Variants in CNTN4 observed in about 807,000 individuals in gnomAD.
The protein encoded by CNTN4 is contactin-4.
A neutral mutation model predicts 122.5 loss-of-function variants in CNTN4; 77 were observed. The observed-to-expected ratio is 0.63, with a 90% CI of 0.52 to 0.76. The LOEUF (loss-of-function observed/expected upper bound fraction) is 0.76, where lower values mean the gene tolerates loss of function less well. Among genes scored for constraint, CNTN4 ranks in the 30% least tolerant of loss-of-function variants. The pLI is 0.00. For missense variants in CNTN4, 1,256 were observed against 1,259.1 expected, an observed-to-expected ratio of 1.00 and a Z score of 0.04; for synonymous variants, 512 against 447.0, an observed-to-expected ratio of 1.15 and a Z score of -1.83.
At chr3:2,389,363 T>G (rs1472526744) in intron 3 of CNTN4, among the ~76,000 whole-genome samples, 1 of 144,544 alleles carries the variant, frequency 6.9e-6, no homozygotes, top group Non-Finnish European at 1.5e-5. Flanking sequence ...CGGAGAAACC[T>G]TCCCCGTGAT....
At chr3:2,160,919 A>G (rs1315529190) in intron 2 of CNTN4, among the ~76,000 whole-genome samples, 1 of 152,058 alleles carries the variant, frequency 6.6e-6, no homozygotes, top group African/African-American at 2.4e-5. Context: ...AGAAGGTATA[A>G]TCCCTCTTGC....
At chr3:2,281,140 AT>A (rs2041700022) in intron 2 of CNTN4, among the ~76,000 whole-genome samples, 1 of 152,146 alleles carries the variant, frequency 6.6e-6, no homozygotes, top group Non-Finnish European at 1.5e-5. Flanking sequence ...CTAAAAGCTA[AT>A]TATTACTAGC....
chr3:2,621,725 A>G (rs985958344), intron 4 of CNTN4, among the ~76,000 whole-genome samples: 2 of 152,150 alleles, frequency 1.3e-5, no homozygotes, highest in Non-Finnish European at 2.9e-5. Context: ...ACGAAATACA[A>G]TGTATATGCA....
At chr3:2,614,222 A>G (rs2081616176) in intron 4 of CNTN4, among the ~76,000 whole-genome samples, 2 of 152,168 alleles carry the variant, frequency 1.3e-5, no homozygotes, top group Non-Finnish European at 2.9e-5. Context: ...TATTCTAAGC[A>G]TTGGAAATAG....
intron 3 of CNTN4, chr3:2,362,305 C>A: frequency 4.7e-6 from 1 of 213,818 alleles, no homozygotes; most frequent in Non-Finnish European, 9.5e-6. Flanking sequence ...CTCTGCAGAG[C>A]CATGGCGGCC....
At chr3:2,164,638 T>C (rs1574975340) in intron 2 of CNTN4, among the ~76,000 whole-genome samples, 1 of 152,242 alleles carries the variant, frequency 6.6e-6, no homozygotes, top group Non-Finnish European at 1.5e-5. Flanking sequence ...AGAAAAACAA[T>C]TAGTTACCTT....
intron 18 of CNTN4, 108 bp from the exon 19 acceptor site, chr3:3,038,825 C>A: frequency 2.5e-6 from 2 of 802,956 alleles, no homozygotes; most frequent in Non-Finnish European, 2.2e-6. Flanking sequence ...GACAAAGGGG[C>A]GTGCCTCAGA....
rs190856665 is a variant in CNTN4, at chr3:2,763,135, C to T, written c.358+17438C>T. On this transcript the variant is annotated intron_variant, in intron 6 of 24. Coordinates refer to ENST00000418658, the MANE Select transcript of CNTN4 (RefSeq NM_175607.3). Reference sequence around the variant, plus strand: ...TTTGTTTTTGTATTTTTAGTAGAGACGGGGTTTCACCATGTTAGCCAGGAT... The same window carrying T: ...TTTGTTTTTGTATTTTTAGTAGAGATGGGGTTTCACCATGTTAGCCAGGAT... Among the ~76,000 whole-genome samples the T allele has an allele frequency of 3.8e-3, 580 of 151,946 alleles. 4 individuals carry two copies. The highest frequency in any genetic ancestry group is 0.013 in the African/African-American group (534 of 41,472).
intron 2 of CNTN4, among the ~76,000 whole-genome samples, chr3:2,316,782 C>T (rs2090849971): frequency 6.6e-6 from 1 of 152,166 alleles, no homozygotes; most frequent in South Asian, 2.1e-4. Context: ...ACGCCGAGCT[C>T]TGTGGTTCTC....
intron 7 of CNTN4, among the ~76,000 whole-genome samples, chr3:2,839,413 CAAA>C (rs376701943): frequency 1.5e-5 from 2 of 136,026 alleles, no homozygotes. Flanking sequence ...TTGCTTTTAC[CAAA>C]AAAAAAAAAA....
At chr3:2,312,721 A>G (rs749003326) in intron 2 of CNTN4, among the ~76,000 whole-genome samples, 5 of 152,096 alleles carry the variant, frequency 3.3e-5, no homozygotes, top group Admixed American at 2.0e-4. Flanking sequence ...GAAAAAAATA[A>G]ACTTTTTTTT....
intron 2 of CNTN4, among the ~76,000 whole-genome samples, chr3:2,100,986 C>T (rs2125077676): frequency 6.6e-6 from 1 of 152,324 alleles, no homozygotes; most frequent in Non-Finnish European, 1.5e-5. Context: ...TAAGTTTCAA[C>T]AGAGGTAGAT....
rs187304689 is a variant in CNTN4 at position 2,279,974 on chromosome 3, G to T, written c.-144-59204G>T. 7.1e-4 allele frequency among the ~76,000 whole-genome samples: 104 copies of T among 147,200 alleles called. 1 individual carries two copies. The highest frequency in any genetic ancestry group is 4.8e-3 in the East Asian group (25 of 5,166). On this transcript the variant is annotated intron_variant, in intron 2 of 24. Coordinates refer to ENST00000418658, the MANE Select transcript of CNTN4 (RefSeq NM_175607.3). ...TATATATCTAGCTCTTATATATAGA[G>T]AGAGAGATAGATATAGAGCTAGGTA...
At chr3:2,747,786 T>G (rs1214340474) in intron 6 of CNTN4, among the ~76,000 whole-genome samples, 1 of 152,162 alleles carries the variant, frequency 6.6e-6, no homozygotes, top group East Asian at 1.9e-4. Flanking sequence ...TTTGAAAAAT[T>G]CTAGTGACAG....
chr3:2,674,826 A>C (rs555222049), intron 4 of CNTN4, among the ~76,000 whole-genome samples: 48 of 152,056 alleles, frequency 3.2e-4, no homozygotes, highest in African/African-American at 1.1e-3. Flanking sequence ...ACTAGAGCTT[A>C]TTCGTCTTAT....
chr3:2,173,225 A>G (rs1333710226), intron 2 of CNTN4, among the ~76,000 whole-genome samples: 4 of 152,212 alleles, frequency 2.6e-5, no homozygotes, highest in Non-Finnish European at 5.9e-5. Context: ...TGATCAACTG[A>G]GCAAACAGAC....
intron 2 of CNTN4, among the ~76,000 whole-genome samples, chr3:2,160,717 G>T (rs753147193): frequency 6.6e-6 from 1 of 152,082 alleles, no homozygotes; most frequent in Non-Finnish European, 1.5e-5. Flanking sequence ...CCTCAGCAAG[G>T]GCTTGGCATC....
At chr3:2,882,929 C>A in intron 8 of CNTN4, 2 of 489,866 alleles carry the variant, frequency 4.1e-6, no homozygotes, top group Non-Finnish European at 7.5e-6. Flanking sequence ...TTAATCCAGG[C>A]AAATGGTGTG....
At chr3:2,602,112 T>G (rs1325008731) in intron 4 of CNTN4, among the ~76,000 whole-genome samples, 1 of 152,152 alleles carries the variant, frequency 6.6e-6, no homozygotes, top group Non-Finnish European at 1.5e-5. Context: ...AAGAGCTATT[T>G]ATGACAAACC....
Sources: gnomAD v4.1 joint callset for allele counts (sites outside exome capture counted in the v4.1 genomes callset) on GRCh38, gnomAD v4.1.1 for gene constraint, MANE v1.5 for transcripts, NCBI Gene and HGNC (gene_info 2026-07-23, HGNC 2026-07-21) for gene names.